The following CACNA1E variants were observed in gnomAD, a reference collection of about 807,000 sequenced individuals.
CACNA1E encodes the protein calcium voltage-gated channel subunit alpha1 E.
Under a neutral mutation model 259.2 loss-of-function variants are expected in CACNA1E, and 40 were observed. That is an observed-to-expected ratio of 0.15 (90% confidence interval 0.12 to 0.20). CACNA1E has a LOEUF of 0.20. Ranked by LOEUF, CACNA1E falls within the 10% of genes least tolerant of loss-of-function variation. CACNA1E has a pLI of 1.00. For synonymous variants in CACNA1E, 1,104 were observed against 1,138.5 expected (o/e 0.97, Z 0.61); for missense variants, 1,874 against 3,040.1 (o/e 0.62, Z 9.02).
chr1:181,576,383 G>A (rs1175134521), intron 3 of CACNA1E, among the ~76,000 whole-genome samples: 1 of 152,206 alleles, frequency 6.6e-6, no homozygotes, highest in Non-Finnish European at 1.5e-5. Context: ...TTGGCTGTTG[G>A]CAGCACTAAT....
chr1:181,448,476 C>T (rs892862827), intron 2 of CACNA1E, among the ~76,000 whole-genome samples: 1 of 152,182 alleles, frequency 6.6e-6, no homozygotes, highest in Non-Finnish European at 1.5e-5. Flanking sequence ...TCTCTTTCCA[C>T]CACATCATAT....
At chr1:181,762,508 G>A in intron 32 of CACNA1E, 66 bp from the exon 33 acceptor site, 3 of 906,740 alleles carry the variant, frequency 3.3e-6, no homozygotes, top group Non-Finnish European at 5.4e-6. Flanking sequence ...TATAATGAAA[G>A]ATGTCTTTTC....
chr1:181,323,528 T>G (rs1273344169), intron 1 of CACNA1E, among the ~76,000 whole-genome samples: 1 of 152,154 alleles, frequency 6.6e-6, no homozygotes, highest in Non-Finnish European at 1.5e-5. Flanking sequence ...TCCCTTCCCT[T>G]CTCTCTCTTC....
intron 2 of CACNA1E, among the ~76,000 whole-genome samples, chr1:181,421,438 TC>T (rs1039631911): frequency 2.0e-5 from 3 of 152,178 alleles, no homozygotes; most frequent in Admixed American, 6.5e-5. Context: ...CTGGGTGACC[TC>T]ACCAGGTCCA....
intron 1 of CACNA1E, among the ~76,000 whole-genome samples, chr1:181,407,662 T>A (rs1657562328): frequency 6.6e-6 from 1 of 152,148 alleles, no homozygotes; most frequent in East Asian, 1.9e-4. Context: ...TACTCCTCCT[T>A]TTTCAGTCAG....
At chr1:181,596,853 A>T (rs1653225725) in intron 6 of CACNA1E, among the ~76,000 whole-genome samples, 2 of 152,162 alleles carry the variant, frequency 1.3e-5, no homozygotes. Context: ...GTGAGTCAGC[A>T]GTACATATGT....
intron 6 of CACNA1E, among the ~76,000 whole-genome samples, chr1:181,589,924 G>T (rs1407166877): frequency 6.6e-6 from 1 of 152,154 alleles, no homozygotes; most frequent in African/African-American, 2.4e-5. Context: ...TAGGGACAAG[G>T]CTCAGAAACT....
intron 3 of CACNA1E, among the ~76,000 whole-genome samples, chr1:181,572,307 G>T (rs1261730580): frequency 6.6e-6 from 1 of 152,220 alleles, no homozygotes; most frequent in Non-Finnish European, 1.5e-5. Flanking sequence ...CTTCTGTTCT[G>T]CTGTGCCACT....
chr1:181,663,994 G>A (rs1647947010), intron 7 of CACNA1E, among the ~76,000 whole-genome samples: 1 of 152,156 alleles, frequency 6.6e-6, no homozygotes. Flanking sequence ...GGGCAAATAA[G>A]GCTGTTGGAA....
chr1:181,531,391 G>A (rs1469760816), intron 3 of CACNA1E, among the ~76,000 whole-genome samples: 4 of 152,104 alleles, frequency 2.6e-5, no homozygotes, highest in South Asian at 2.1e-4. Flanking sequence ...TGTTATTCTC[G>A]TGGCCCTCTT....
chr1:181,576,522 C>A (rs190935578), intron 3 of CACNA1E, among the ~76,000 whole-genome samples: 1 of 152,318 alleles, frequency 6.6e-6, no homozygotes, highest in South Asian at 2.1e-4. Context: ...ATTGAAGACA[C>A]GTCAAATAGT....
At chr1:181,621,999 G>T (rs1172228251) in intron 6 of CACNA1E, among the ~76,000 whole-genome samples, 1 of 152,158 alleles carries the variant, frequency 6.6e-6, no homozygotes, top group East Asian at 1.9e-4. Flanking sequence ...CCAGTATGGG[G>T]TCTTTGTCAC....
chr1:181,351,797 C>T (rs1653063016), intron 1 of CACNA1E, among the ~76,000 whole-genome samples: 5 of 152,238 alleles, frequency 3.3e-5, no homozygotes, highest in Admixed American at 3.3e-4. Flanking sequence ...GCATTTAGGC[C>T]CATCCAGATA....
intron 1 of CACNA1E, among the ~76,000 whole-genome samples, chr1:181,327,075 GC>G (rs1650853186): frequency 6.6e-6 from 1 of 152,188 alleles, no homozygotes; most frequent in Non-Finnish European, 1.5e-5. Flanking sequence ...GTAACCGTCA[GC>G]CTCTCCTAGG....
chr1:181,580,827 G>A, intron 6 of CACNA1E, 51 bp downstream of exon 6: 1 of 1,563,788 alleles, frequency 6.4e-7, no homozygotes, highest in Non-Finnish European at 8.8e-7. Context: ...ACCCTGGATG[G>A]AGGCTTCTGT....
intron 6 of CACNA1E, among the ~76,000 whole-genome samples, chr1:181,631,136 C>T (rs182712719): frequency 5.1e-4 from 77 of 152,312 alleles, no homozygotes; most frequent in African/African-American, 1.8e-3. Flanking sequence ...GCTTTCTCGG[C>T]CTGGTGCCCA....
intron 2 of CACNA1E, among the ~76,000 whole-genome samples, chr1:181,465,006 T>C (rs1407951019): frequency 6.6e-6 from 1 of 152,178 alleles, no homozygotes; most frequent in Non-Finnish European, 1.5e-5. Context: ...TTGCAGACCA[T>C]TCTTTTCTTC....
At chr1:181,396,689 C>G (rs1656701462) in intron 1 of CACNA1E, among the ~76,000 whole-genome samples, 2 of 152,280 alleles carry the variant, frequency 1.3e-5, no homozygotes, top group East Asian at 3.9e-4. Context: ...ATTGCTGGAG[C>G]CTGGTCCTGA....
At chr1:181,650,679 G>A (rs879822241) in intron 6 of CACNA1E, among the ~76,000 whole-genome samples, 1 of 151,774 alleles carries the variant, frequency 6.6e-6, no homozygotes, top group Non-Finnish European at 1.5e-5. Context: ...TTCATGATTC[G>A]AGAATCCGGA....
Sources: allele counts gnomAD v4.1 joint callset (sites outside exome capture counted in the v4.1 genomes callset), GRCh38; gene constraint gnomAD v4.1.1; transcripts MANE v1.5; gene names NCBI Gene and HGNC (gene_info 2026-07-23, HGNC 2026-07-21).